The following ZDHHC11 variants were observed in gnomAD, a reference collection of about 807,000 sequenced individuals.
ZDHHC11 encodes the protein zDHHC palmitoyltransferase 11.
In ZDHHC11, 44 loss-of-function variants were observed where a neutral mutation model predicts 51.3. That is an observed-to-expected ratio of 0.86 (90% CI 0.67 to 1.10). The LOEUF is 1.10. Among genes scored for constraint, ZDHHC11 ranks in the 50% least tolerant of loss-of-function variants. The pLI is 0.00. For synonymous variants in ZDHHC11, 163 were observed against 222.0 expected (o/e 0.73, Z 2.36); for missense variants, 400 against 537.7 (o/e 0.74, Z 2.53).
rs760592000 is a variant in ZDHHC11 at position 837,476 on chromosome 5, G to A, written c.789C>T (p.Ala263=). ...GATACTCAAAGGTGGTCATCTTCTT[G>A]GCCTCTGGAAAGGGAAAAGGAGGAA... The part of the protein sequence containing the change: ...QLLIFHIYLK[A]KKMTTFEYLI... The change falls in exon 6 of 13, where the codon GCC becomes GCT. Residue 263 remains alanine, a synonymous_variant. Coordinates refer to ENST00000283441, the MANE Select transcript of ZDHHC11 (RefSeq NM_024786.3). 1.2e-5 allele frequency: 19 copies of A among 1,608,414 alleles called. No homozygotes were observed. The highest frequency in any genetic ancestry group is 8.3e-5 in the Admixed American group (5 of 59,960).
intron 8 of ZDHHC11, chr5:823,251 C>T (rs1400093374): frequency 2.0e-5 from 3 of 150,914 alleles, no homozygotes; most frequent in Admixed American, 6.6e-5. Context: ...AAGTTTCCCC[C>T]TCTTACTATG....
intron 7 of ZDHHC11, among the ~76,000 whole-genome samples, chr5:833,236 A>G (rs1255091885): frequency 6.6e-6 from 1 of 152,394 alleles, no homozygotes; most frequent in Non-Finnish European, 1.5e-5. Context: ...TTTGACTCTC[A>G]GCTTCCAAAA....
intron 11 of ZDHHC11, among the ~76,000 whole-genome samples, chr5:812,193 C>A (rs185807202): frequency 8.5e-4 from 126 of 148,400 alleles, no homozygotes; most frequent in Middle Eastern, 6.8e-3. Context: ...TTGGTATAAC[C>A]CTGGAGTAAG....
intron 10 of ZDHHC11, among the ~76,000 whole-genome samples, chr5:817,974 A>G (rs558296694): frequency 1.3e-5 from 2 of 151,444 alleles, no homozygotes; most frequent in South Asian, 4.2e-4. Flanking sequence ...CGCGGGTGTC[A>G]GTGAAGTCAC....
In ZDHHC11 at chr5:825,257, G is replaced by A; in HGVS notation, c.936-6C>T. 6.2e-7 allele frequency: 1 copy of A among 1,611,682 alleles called. No homozygotes were observed. Among genetic ancestry groups the A allele is most frequent in the Non-Finnish European group, 8.5e-7 (1 of 1,178,240 alleles). Reference sequence around the variant, plus strand: ...GGGAGCTCTTGGCTTTGACTCTGGTGGGACAGAAAGGAGGAGAGAAACTCA... The same window carrying A: ...GGGAGCTCTTGGCTTTGACTCTGGTAGGACAGAAAGGAGGAGAGAAACTCA... On this transcript the variant is annotated splice_region_variant and splice_polypyrimidine_tract_variant and intron_variant, in intron 7 of 12. Coordinates refer to ENST00000283441, the MANE Select transcript of ZDHHC11 (RefSeq NM_024786.3).
chr5:854,154 G>A (rs1747765227), upstream of ZDHHC11, among the ~76,000 whole-genome samples: 1 of 148,672 alleles, frequency 6.7e-6, no homozygotes, highest in African/African-American at 2.5e-5. Context: ...AGCGAGCCGG[G>A]GGGCACAGAC....
intron 11 of ZDHHC11, among the ~76,000 whole-genome samples, chr5:812,322 C>T (rs1740195900): frequency 6.6e-6 from 1 of 151,934 alleles, no homozygotes; most frequent in South Asian, 2.1e-4. Flanking sequence ...GAAAGAAATA[C>T]GTTGGAAACA....
At chr5:850,146 C>T (rs1195323274) in intron 1 of ZDHHC11, 2 of 561,966 alleles carry the variant, frequency 3.6e-6, no homozygotes, top group Non-Finnish European at 6.3e-6. Flanking sequence ...TCCCTCCTGA[C>T]AGATTCCCTC....
intron 11 of ZDHHC11, among the ~76,000 whole-genome samples, chr5:811,662 G>T (rs1362393683): frequency 6.7e-6 from 1 of 150,358 alleles, no homozygotes; most frequent in Non-Finnish European, 1.5e-5. Flanking sequence ...CAGCGGAGTT[G>T]GGATGCCAGG....
In ZDHHC11 at chr5:838,170, G is replaced by A. The variant is rs1744183752; in HGVS notation, c.785-690C>T. Among the ~76,000 whole-genome samples, 3 of 151,940 alleles carry A rather than the reference G, an allele frequency of 2.0e-5. No homozygotes were observed. The South Asian group carries it at 6.2e-4, about 32-fold the overall frequency. On this transcript the variant is annotated intron_variant, in intron 5 of 12. Transcript: ENST00000283441. ...CTGCAGCCCTGCACAGTGCCCACAG[G>A]ACAGCTCAGCAGGCTGGCCAGAGCC...
chr5:813,417 G>C (rs1386648806), intron 11 of ZDHHC11, among the ~76,000 whole-genome samples: 1 of 142,736 alleles, frequency 7.0e-6, no homozygotes, highest in Non-Finnish European at 1.5e-5. Flanking sequence ...GCACTCATCT[G>C]TGAGGGGGAG....
At chr5:844,500 G>C (rs1337004728) in intron 3 of ZDHHC11, among the ~76,000 whole-genome samples, 1 of 152,304 alleles carries the variant, frequency 6.6e-6, no homozygotes, top group Non-Finnish European at 1.5e-5. Context: ...GATGCAGACA[G>C]GCCTCCCTAC....
chr5:857,368 C>T (rs1388614064), intron 1 of ZDHHC11, among the ~76,000 whole-genome samples: 1 of 152,194 alleles, frequency 6.6e-6, no homozygotes, highest in Admixed American at 6.5e-5. Flanking sequence ...CACATGAGAA[C>T]CAGCCCCTGC....
At chr5:801,635 T>C (rs906511971) in intron 11 of ZDHHC11, among the ~76,000 whole-genome samples, 3 of 151,298 alleles carry the variant, frequency 2.0e-5, no homozygotes, top group Admixed American at 1.3e-4. Flanking sequence ...GATGTTACAC[T>C]ACCCCAGCCA....
intron 12 of ZDHHC11, among the ~76,000 whole-genome samples, chr5:800,070 G>C (rs1738194817): frequency 6.6e-6 from 1 of 151,378 alleles, no homozygotes. Flanking sequence ...GATATACACA[G>C]AACCATGAGT....
At chr5:819,415 C>CA (rs555675786) in intron 10 of ZDHHC11, 110 bp downstream of exon 10, 2 of 1,172,900 alleles carry the variant, frequency 1.7e-6, no homozygotes, top group African/African-American at 2.9e-5. Context: ...CCCTTGGACA[C>CA]AGAGTGCTTC....
Position 795,888 on chromosome 5 carries a change from C to T in ZDHHC11, c.*700G>A, listed in dbSNP as rs1390914460. 1 of 147,920 alleles carries T rather than the reference C, an allele frequency of 6.8e-6. No homozygotes were observed. Among genetic ancestry groups the T allele is most frequent in the Non-Finnish European group, 1.5e-5 (1 of 66,476 alleles). The allele number at this position is 147,920 out of a possible 1,614,324, so 9.2% of individuals were successfully genotyped here. A position where few individuals can be genotyped will look rare whatever the true frequency, so the allele number is the denominator to read the frequency against. On this transcript the variant is annotated 3_prime_UTR_variant, in exon 13 of 13. Transcript: ENST00000283441. ...TACTGTGAACTCCCCTTTCCCAGTA[C>T]TGTGGGCTCCCATTTCCCAGTACTG...
At position 821,896 on chromosome 5, in the gene ZDHHC11, C is replaced by T; in HGVS notation, c.1024-1G>A. On this transcript the variant is annotated splice_acceptor_variant, in intron 8 of 12. Coordinates refer to ENST00000283441, the MANE Select transcript of ZDHHC11 (RefSeq NM_024786.3). LOFTEE classifies it high-confidence loss of function. ...ATGGACACGGGTCTTCATCCCCTTC[C>T]TGTGGGGAAGTGAAGCAAAATTCAT... 6.2e-7 allele frequency: 1 copy of T among 1,604,374 alleles called. No individual in the cohort carries two copies. Among genetic ancestry groups the T allele is most frequent in the Non-Finnish European group, 8.5e-7 (1 of 1,173,730 alleles).
chr5:845,612 A>G (rs1382145943), intron 3 of ZDHHC11, among the ~76,000 whole-genome samples: 7 of 152,068 alleles, frequency 4.6e-5, no homozygotes, highest in Non-Finnish European at 1.0e-4. Context: ...AGCCTCCCTC[A>G]CAGGGGCTCT....
Sources: allele counts gnomAD v4.1 joint callset (sites outside exome capture counted in the v4.1 genomes callset), GRCh38; gene constraint gnomAD v4.1.1; transcripts MANE v1.5; gene names NCBI Gene and HGNC (gene_info 2026-07-23, HGNC 2026-07-21).